RNF24: variants seen among roughly 807,000 people sequenced by gnomAD.
RNF24 encodes ring finger protein 24.
A neutral mutation model predicts 20.0 loss-of-function variants in RNF24; 14 were observed. That is an observed-to-expected ratio of 0.70 (90% CI 0.46 to 1.10). RNF24 has a LOEUF of 1.10. Among genes scored for constraint, RNF24 ranks in the 50% least tolerant of loss-of-function variants. The pLI is 0.00. For missense variants in RNF24, 124 were observed against 177.6 expected, an observed-to-expected ratio of 0.70 and a Z score of 1.71; for synonymous variants, 45 against 61.1, an observed-to-expected ratio of 0.74 and a Z score of 1.23.
intron 4 of RNF24, among the ~76,000 whole-genome samples, chr20:3,943,354 A>T (rs959039424): frequency 6.6e-6 from 1 of 151,218 alleles, no homozygotes; most frequent in Non-Finnish European, 1.5e-5. Context: ...ATTTACATGG[A>T]AGGGTCAAGG....
At chr20:3,937,221 A>G (rs959804431) in intron 4 of RNF24, among the ~76,000 whole-genome samples, 7 of 152,188 alleles carry the variant, frequency 4.6e-5, no homozygotes, top group African/African-American at 1.4e-4. Context: ...CTGAGAAAAA[A>G]CAAGACAAAC....
intron 4 of RNF24, 50 bp downstream of exon 4, chr20:3,945,127 C>A (rs2091001193): frequency 1.3e-6 from 2 of 1,587,622 alleles, no homozygotes; most frequent in Non-Finnish European, 1.7e-6. Flanking sequence ...CCACAGCATA[C>A]CACTGCTACT....
intron 1 of RNF24, among the ~76,000 whole-genome samples, chr20:3,967,057 G>A (rs2091266398): frequency 6.6e-6 from 1 of 152,126 alleles, no homozygotes; most frequent in Non-Finnish European, 1.5e-5. Flanking sequence ...CAATTGATAT[G>A]TTGGCCCAAC....
intron 1 of RNF24, among the ~76,000 whole-genome samples, chr20:3,988,023 A>AT (rs914190555): frequency 7.3e-5 from 11 of 150,922 alleles, no homozygotes; most frequent in African/African-American, 2.0e-4. Context: ...AAAAAAAAAA[A>AT]TTTTTTTTGG....
chr20:3,955,817 G>A (rs2091135527), intron 2 of RNF24, among the ~76,000 whole-genome samples: 1 of 152,064 alleles, frequency 6.6e-6, no homozygotes, highest in Non-Finnish European at 1.5e-5. Context: ...GCAATGTTTT[G>A]TAGTTTTCAG....
chr20:3,984,407 G>A (rs998132), intron 1 of RNF24, among the ~76,000 whole-genome samples: 56,667 of 151,894 alleles, frequency 0.37, 11,837 homozygotes, highest in Non-Finnish European at 0.47. Context: ...ACACTGTAAT[G>A]CAGCACCTCC....
rs1230765 is a variant in RNF24, at chr20:3,927,581, C to G, written c.*6482G>C. ...GTGAGGAAACCCGAGGGCCAAACTACAAGACGAAAAAGTGCCCCGTTCCTG... is the reference window on the plus strand; with the variant it reads ...GTGAGGAAACCCGAGGGCCAAACTAGAAGACGAAAAAGTGCCCCGTTCCTG... On this transcript the variant is annotated 3_prime_UTR_variant, in exon 6 of 6. Transcript: ENST00000358395. The G allele has an allele frequency of 6.6e-6, 1 of 152,242 alleles. No individual in the cohort carries two copies. The highest frequency in any genetic ancestry group is 1.9e-4 in the East Asian group (1 of 5,172). The allele number at this position is 152,242 out of a possible 1,614,324, so 9.4% of individuals were successfully genotyped here. A position where few individuals can be genotyped will look rare whatever the true frequency, so the allele number is the denominator to read the frequency against.
chr20:3,933,836 G>A lies in RNF24; in HGVS notation c.*227C>T. Reference sequence around the variant, plus strand: ...TGAAGTTTCTTGAGGCAAACCCGCAGGCTCATCCACTCCTCTTCTCTCGGC... The same window carrying A: ...TGAAGTTTCTTGAGGCAAACCCGCAAGCTCATCCACTCCTCTTCTCTCGGC... On this transcript the variant is annotated 3_prime_UTR_variant, in exon 6 of 6. Transcript: ENST00000358395. 2.7e-6 allele frequency: 1 copy of A among 367,074 alleles called. No individual in the cohort carries two copies. The allele number at this position is 367,074 out of a possible 1,614,324, so 22.7% of individuals were successfully genotyped here.
At chr20:3,963,839 C>A in intron 2 of RNF24, 36 bp downstream of exon 2, 1 of 1,462,604 alleles carries the variant, frequency 6.8e-7, no homozygotes, top group Non-Finnish European at 9.3e-7. Flanking sequence ...GATTATTTAA[C>A]ATATTTTGAA....
chr20:3,963,484 C>T (rs1216324602), intron 2 of RNF24, among the ~76,000 whole-genome samples: 4 of 152,232 alleles, frequency 2.6e-5, no homozygotes, highest in Admixed American at 6.5e-5. Flanking sequence ...TGAGCCACTG[C>T]GCCCAGCCTT....
In RNF24 at chr20:3,977,863, C is replaced by CA. The variant is rs1244052901; in HGVS notation, c.-7-13840dup. Among the ~76,000 whole-genome samples, 345 of 46,936 alleles carry CA rather than the reference C, an allele frequency of 7.4e-3. 1 individual carries two copies. Among genetic ancestry groups the CA allele is most frequent in the East Asian group, 0.027 (44 of 1,648 alleles). 30.8% of individuals were successfully genotyped at this position (46,936 alleles called of 152,430 possible). ...TGGGCGACACAGCGAGACTCCGTCT[C>CA]AAAAAAAAAAAAAAAAAAGGGCTCT... On this transcript the variant is annotated intron_variant, in intron 1 of 5. Coordinates refer to ENST00000358395, the MANE Select transcript of RNF24 (RefSeq NM_001134337.3).
chr20:3,955,271 T>A (rs572489838), intron 2 of RNF24, among the ~76,000 whole-genome samples: 1 of 152,348 alleles, frequency 6.6e-6, no homozygotes, highest in Non-Finnish European at 1.5e-5. Context: ...CAGATAGGAC[T>A]TGTAAATATT....
intron 1 of RNF24, among the ~76,000 whole-genome samples, chr20:3,971,433 A>C (rs2147003790): frequency 6.6e-6 from 1 of 152,344 alleles, no homozygotes; most frequent in African/African-American, 2.4e-5. Flanking sequence ...TCAAGAAGGA[A>C]GAAACAACAT....
intron 2 of RNF24, among the ~76,000 whole-genome samples, chr20:3,961,427 A>T (rs1308585355): frequency 6.6e-6 from 1 of 151,856 alleles, no homozygotes; most frequent in Non-Finnish European, 1.5e-5. Flanking sequence ...AAAAGGATAA[A>T]ATTAAGTACA....
chr20:3,942,105 G>A (rs1475997759), intron 4 of RNF24, among the ~76,000 whole-genome samples: 1 of 151,572 alleles, frequency 6.6e-6, no homozygotes, highest in Non-Finnish European at 1.5e-5. Flanking sequence ...AAAGAAAAAG[G>A]TGGAAATACA....
rs1568680960 is a variant in RNF24, at chr20:4,015,537, G to A, written c.-108C>T. 6.6e-6 allele frequency: 1 copy of A among 150,878 alleles called. No individual in the cohort carries two copies. Among genetic ancestry groups the A allele is most frequent in the African/African-American group, 2.4e-5 (1 of 41,334 alleles). The allele number at this position is 150,878 out of a possible 1,614,324, so 9.3% of individuals were successfully genotyped here. Reference sequence around the variant, plus strand: ...AGCGTCCGTCCGGACAGAGCGCGGCGGAGGTGGCGGCGGCTGACTGCGCCC... The same window carrying A: ...AGCGTCCGTCCGGACAGAGCGCGGCAGAGGTGGCGGCGGCTGACTGCGCCC... On this transcript the variant is annotated 5_prime_UTR_variant, in exon 1 of 6. Coordinates refer to ENST00000358395, the MANE Select transcript of RNF24 (RefSeq NM_001134337.3).
In RNF24 at chr20:3,934,294, A is replaced by T. The variant is rs114048429; in HGVS notation, c.309-93T>A. 2,312 of 1,338,270 alleles carry T rather than the reference A, an allele frequency of 1.7e-3. 30 individuals are homozygous for T. The African/African-American group carries it at 0.031, about 18-fold the overall frequency. 82.9% of individuals were successfully genotyped at this position (1,338,270 alleles called of 1,614,324 possible). A position where few individuals can be genotyped will look rare whatever the true frequency, so the allele number is the denominator to read the frequency against. On this transcript the variant is annotated intron_variant, in intron 5 of 5. Coordinates refer to ENST00000358395, the MANE Select transcript of RNF24 (RefSeq NM_001134337.3). This position sits in a 1 kb window ranked among gnomAD's most constrained non-coding sequence, Gnocchi z 4.0. ...CATCTCCATATCTGTCACCCAGACA[A>T]CGTCTGCTGTATGGTCCAAGGAGCT... is the stretch of plus-strand genomic sequence containing the variant.
chr20:3,991,206 T>C (rs1253515851), intron 1 of RNF24, among the ~76,000 whole-genome samples: 1 of 151,688 alleles, frequency 6.6e-6, no homozygotes, highest in Non-Finnish European at 1.5e-5. Context: ...GTAAATGGAA[T>C]TGGAAGAAGC....
At chr20:4,006,659 C>T (rs1407264009) in intron 1 of RNF24, among the ~76,000 whole-genome samples, 1 of 152,214 alleles carries the variant, frequency 6.6e-6, no homozygotes, top group Non-Finnish European at 1.5e-5. Context: ...ATTTGTAACA[C>T]GAGGTTCACT....
Sources: allele counts gnomAD v4.1 joint callset (sites outside exome capture counted in the v4.1 genomes callset), GRCh38; gene constraint gnomAD v4.1.1; non-coding constraint Gnocchi (gnomAD v3.1); transcripts MANE v1.5; gene names NCBI Gene and HGNC (gene_info 2026-07-23, HGNC 2026-07-21).